The following IMMP2L variants were observed in gnomAD, a reference collection of about 807,000 sequenced individuals.
IMMP2L encodes the protein inner mitochondrial membrane peptidase subunit 2.
In IMMP2L, 18 loss-of-function variants were observed where a neutral mutation model predicts 19.3. The observed-to-expected ratio is 0.93, with a 90% CI of 0.64 to 1.38. IMMP2L has a LOEUF of 1.38. IMMP2L is among the 40% of genes most tolerant of loss of function. The probability of loss-of-function intolerance (pLI) is 0.00; values close to 1 mark genes in which losing one functional copy is unlikely to be tolerated. For synonymous variants in IMMP2L, 76 were observed against 73.0 expected (o/e 1.04, Z -0.21); for missense variants, 233 against 218.2 (o/e 1.07, Z -0.43).
At chr7:110,692,387 T>C (rs1478407364) in intron 5 of IMMP2L, among the ~76,000 whole-genome samples, 2 of 144,124 alleles carry the variant, frequency 1.4e-5, no homozygotes, top group African/African-American at 2.7e-5. Flanking sequence ...AACTGCATGT[T>C]AGGTACAATA....
At chr7:110,841,059 T>C (rs1338691044) in intron 5 of IMMP2L, among the ~76,000 whole-genome samples, 2 of 151,994 alleles carry the variant, frequency 1.3e-5, no homozygotes, top group Non-Finnish European at 2.9e-5. Flanking sequence ...TCAATAAACT[T>C]GAAAAAGCAC....
intron 3 of IMMP2L, among the ~76,000 whole-genome samples, chr7:111,166,092 A>G (rs180745982): frequency 1.3e-5 from 2 of 152,152 alleles, no homozygotes; most frequent in African/African-American, 4.8e-5. Context: ...ATATTTTAAA[A>G]TTATTTCATT....
intron 3 of IMMP2L, among the ~76,000 whole-genome samples, chr7:111,234,686 C>T (rs1419889312): frequency 6.6e-6 from 1 of 151,886 alleles, no homozygotes; most frequent in Non-Finnish European, 1.5e-5. Flanking sequence ...TTATATTATT[C>T]CACTTTATCT....
intron 3 of IMMP2L, among the ~76,000 whole-genome samples, chr7:111,160,962 A>T (rs1805193967): frequency 6.6e-6 from 1 of 151,710 alleles, no homozygotes; most frequent in South Asian, 2.1e-4. Context: ...GAATTCTGTG[A>T]ATAATTATCT....
Position 111,478,337 on chromosome 7 carries a change from T to A in IMMP2L, c.239+8901A>T, listed in dbSNP as rs1054042045. Among the ~76,000 whole-genome samples the A allele has an allele frequency of 2.0e-5, 3 of 152,194 alleles. 1 individual carries two copies. Among genetic ancestry groups the A allele is most frequent in the Non-Finnish European group, 4.4e-5 (3 of 68,036 alleles). The stretch of plus-strand genomic sequence containing the variant: ...TTCTTTAAATTATTTTTATGGATTC[T>A]TATTCTGTGCTGAAATTATCCACCT... On this transcript the variant is annotated intron_variant, in intron 3 of 5. Coordinates refer to ENST00000405709, the MANE Select transcript of IMMP2L (RefSeq NM_032549.4).
At chr7:110,905,467 G>A (rs187317061) in intron 4 of IMMP2L, among the ~76,000 whole-genome samples, 27 of 151,160 alleles carry the variant, frequency 1.8e-4, no homozygotes, top group South Asian at 1.0e-3. Context: ...TTTTTTTCCT[G>A]AGTAGTTGTT....
At chr7:111,084,418 T>A (rs10262354) in intron 3 of IMMP2L, among the ~76,000 whole-genome samples, 117,582 of 151,628 alleles carry the variant, frequency 0.78, 46,739 homozygotes, top group Non-Finnish European at 0.86. Context: ...AGTAGAGACA[T>A]TTACCAGACA....
intron 3 of IMMP2L, among the ~76,000 whole-genome samples, chr7:111,106,880 G>C (rs939784412): frequency 1.3e-5 from 2 of 151,488 alleles, no homozygotes; most frequent in Non-Finnish European, 2.9e-5. Flanking sequence ...GCTTTGTTTA[G>C]AAGAGTAAAG....
Position 110,856,436 on chromosome 7 carries a change from A to G in IMMP2L, c.408+30157T>C, listed in dbSNP as rs75420265. On this transcript the variant is annotated intron_variant, in intron 5 of 5. Transcript: ENST00000405709. ...TCTAGAAGGTAAACCAATCTCCTCG[A>G]ACATGCTACCTAGAAATTAAGGCAA... 2.2e-3 allele frequency among the ~76,000 whole-genome samples: 334 copies of G among 152,230 alleles called. 6 individuals are homozygous for G. In the East Asian group the frequency reaches 0.052, roughly 24 times the overall value.
chr7:111,063,798 T>A (rs912332830), intron 3 of IMMP2L, among the ~76,000 whole-genome samples: 8 of 152,110 alleles, frequency 5.3e-5, no homozygotes, highest in African/African-American at 1.9e-4. Context: ...TCCCAACAAG[T>A]TCCTCATCTC....
Position 111,491,393 on chromosome 7 carries a change from C to T in IMMP2L, c.136-4052G>A, listed in dbSNP as rs111621444. 1.2e-4 allele frequency among the ~76,000 whole-genome samples: 19 copies of T among 152,142 alleles called. 1 individual carries two copies. In the South Asian group the frequency reaches 2.9e-3, roughly 23 times the overall value. ...CCCCTCGTTGTTCAAGAGTGAACTG[C>T]GCTACCTTATTTGGTAAGATCATTC... On this transcript the variant is annotated intron_variant, in intron 2 of 5. Transcript: ENST00000405709.
intron 3 of IMMP2L, among the ~76,000 whole-genome samples, chr7:111,309,421 T>C (rs1237030960): frequency 1.3e-5 from 2 of 152,160 alleles, no homozygotes; most frequent in Non-Finnish European, 2.9e-5. Flanking sequence ...AAACAGAGTG[T>C]GTGCTCAAAA....
intron 5 of IMMP2L, among the ~76,000 whole-genome samples, chr7:110,666,685 C>T (rs62463969): frequency 0.23 from 35,146 of 151,942 alleles, 4,947 homozygotes; most frequent in Middle Eastern, 0.34. Context: ...AAAAGTTCTC[C>T]CTCACCTTCC....
At chr7:111,264,177 G>A (rs187134631) in intron 3 of IMMP2L, among the ~76,000 whole-genome samples, 1 of 152,186 alleles carries the variant, frequency 6.6e-6, no homozygotes, top group Non-Finnish European at 1.5e-5. Context: ...CAGAAAATCA[G>A]GGGGAAAAGT....
chr7:110,920,494 A>T (rs1814145856), intron 4 of IMMP2L, among the ~76,000 whole-genome samples: 1 of 152,106 alleles, frequency 6.6e-6, no homozygotes, highest in Non-Finnish European at 1.5e-5. Context: ...TTTGAAAGTG[A>T]TTTGGCTTTT....
rs117616104 is a variant in IMMP2L at position 110,966,894 on chromosome 7, T to C, written c.240-3329A>G. Among the ~76,000 whole-genome samples, 17 of 152,206 alleles carry C rather than the reference T, an allele frequency of 1.1e-4. No individual in the cohort carries two copies. The East Asian group carries it at 3.3e-3, about 29-fold the overall frequency. Reference sequence around the variant, plus strand: ...TTTTCTTGGCCACTTTCCTATCTCCTAGAAAATGTGAAGAATAACAAGTGA... The same window carrying C: ...TTTTCTTGGCCACTTTCCTATCTCCCAGAAAATGTGAAGAATAACAAGTGA... On this transcript the variant is annotated intron_variant, in intron 3 of 5. Transcript: ENST00000405709.
chr7:111,531,219 T>C (rs542039900), intron 1 of IMMP2L, among the ~76,000 whole-genome samples: 73 of 152,096 alleles, frequency 4.8e-4, no homozygotes, highest in African/African-American at 1.6e-3. Context: ...CCTCCCAAAG[T>C]GCTGGGATTA....
chr7:111,037,616 T>C (rs1791476879), intron 3 of IMMP2L, among the ~76,000 whole-genome samples: 1 of 152,164 alleles, frequency 6.6e-6, no homozygotes, highest in Non-Finnish European at 1.5e-5. Context: ...GAAATGACAT[T>C]CACAATATAA....
intron 5 of IMMP2L, among the ~76,000 whole-genome samples, chr7:110,753,609 T>C (rs1797862993): frequency 1.3e-5 from 2 of 152,050 alleles, no homozygotes; most frequent in South Asian, 2.1e-4. Flanking sequence ...TCATTACTTG[T>C]GGCCCTGAAG....
Sources: gnomAD v4.1 joint callset for allele counts (sites outside exome capture counted in the v4.1 genomes callset) on GRCh38, gnomAD v4.1.1 for gene constraint, MANE v1.5 for transcripts, NCBI Gene and HGNC (gene_info 2026-07-23, HGNC 2026-07-21) for gene names.